The following ADAMTS19 variants were observed in gnomAD, a reference collection of about 807,000 sequenced individuals.
ADAMTS19 encodes the protein ADAM metallopeptidase with thrombospondin type 1 motif 19.
ADAMTS19 carries 93 observed loss-of-function variants against 153.3 expected under a neutral mutation model. The ratio of observed to expected loss-of-function variants is 0.61; its 90% CI spans 0.51 to 0.72. ADAMTS19 has a LOEUF of 0.72. ADAMTS19 is among the 30% of genes least tolerant of loss of function. The pLI is 0.00. For missense variants in ADAMTS19, 1,482 were observed against 1,552.1 expected (o/e 0.95, Z 0.76); for synonymous variants, 600 against 556.6 (o/e 1.08, Z -1.10).
intron 7 of ADAMTS19, among the ~76,000 whole-genome samples, chr5:129,573,867 A>T (rs1754000047): frequency 6.6e-6 from 1 of 152,096 alleles, no homozygotes; most frequent in Admixed American, 6.6e-5. Context: ...ATATATGAAT[A>T]TTAAAATATG....
intron 7 of ADAMTS19, among the ~76,000 whole-genome samples, chr5:129,590,044 C>A (rs1750025558): frequency 6.6e-6 from 1 of 152,200 alleles, no homozygotes; most frequent in Admixed American, 6.5e-5. Context: ...TACTTCCCTG[C>A]ACTGACAGAT....
At chr5:129,499,584 T>C (rs1751034666) in intron 2 of ADAMTS19, among the ~76,000 whole-genome samples, 1 of 152,134 alleles carries the variant, frequency 6.6e-6, no homozygotes, top group South Asian at 2.1e-4. Context: ...GCCATATATT[T>C]TTCATTTGTA....
chr5:129,620,963 C>T (rs1470711137), intron 9 of ADAMTS19, among the ~76,000 whole-genome samples: 2 of 151,930 alleles, frequency 1.3e-5, no homozygotes, highest in Non-Finnish European at 2.9e-5. Flanking sequence ...CTACATTTTT[C>T]AAAAAGGACA....
chr5:129,587,369 T>C (rs1443936701), intron 7 of ADAMTS19, among the ~76,000 whole-genome samples: 2 of 152,102 alleles, frequency 1.3e-5, no homozygotes, highest in Admixed American at 1.3e-4. Flanking sequence ...CTAACTGCTA[T>C]ATTTGGTCAC....
chr5:129,736,480 A>G (rs1392420558), intron 22 of ADAMTS19, among the ~76,000 whole-genome samples: 2 of 152,096 alleles, frequency 1.3e-5, no homozygotes, highest in Non-Finnish European at 2.9e-5. Context: ...CAAATATTCT[A>G]TACCAACTTC....
chr5:129,471,578 G>A (rs1264023510), intron 2 of ADAMTS19, among the ~76,000 whole-genome samples: 1 of 151,962 alleles, frequency 6.6e-6, no homozygotes, highest in Non-Finnish European at 1.5e-5. Context: ...TCAAGTTCAG[G>A]GGTACATGTG....
At chr5:129,466,985 A>G (rs1240245211) in intron 2 of ADAMTS19, among the ~76,000 whole-genome samples, 1 of 152,240 alleles carries the variant, frequency 6.6e-6, no homozygotes, top group East Asian at 1.9e-4. Flanking sequence ...TTTCAAAATT[A>G]TAGCAAAATT....
intron 7 of ADAMTS19, among the ~76,000 whole-genome samples, chr5:129,579,084 C>T (rs1268799533): frequency 6.6e-6 from 1 of 152,192 alleles, no homozygotes; most frequent in Non-Finnish European, 1.5e-5. Flanking sequence ...CCTGTTTCTC[C>T]ACATCCTCTC....
intron 3 of ADAMTS19, among the ~76,000 whole-genome samples, chr5:129,525,263 G>A (rs971472847): frequency 7.9e-5 from 12 of 152,008 alleles, no homozygotes; most frequent in South Asian, 4.1e-4. Context: ...ATCTCTCAGC[G>A]TGTATGCATA....
chr5:129,613,629 G>A (rs1751348414), intron 8 of ADAMTS19, among the ~76,000 whole-genome samples: 1 of 152,128 alleles, frequency 6.6e-6, no homozygotes, highest in Admixed American at 6.6e-5. Context: ...AAAAGAATTA[G>A]TGAAGCAAGA....
chr5:129,718,536 T>C (rs1037507054), intron 21 of ADAMTS19, among the ~76,000 whole-genome samples: 4 of 152,144 alleles, frequency 2.6e-5, no homozygotes, highest in African/African-American at 9.7e-5. Flanking sequence ...ACCTAACTTT[T>C]GTTCTTTAGT....
At chr5:129,527,682 G>A in intron 4 of ADAMTS19, 66 bp from the exon 5 acceptor site, 1 of 812,768 alleles carries the variant, frequency 1.2e-6, no homozygotes. Context: ...TCCATGTATG[G>A]GCCTTGAGAA....
At position 129,647,854 on chromosome 5, in the gene ADAMTS19, C is replaced by T. The variant is rs1753136774; in HGVS notation, c.1962C>T (p.Thr654=). The T allele has an allele frequency of 1.2e-6, 2 of 1,614,102 alleles. No individual in the cohort carries two copies. Among genetic ancestry groups the T allele is most frequent in the Non-Finnish European group, 1.7e-6 (2 of 1,179,986 alleles). ...GCCTGTGGAGTCCTTGTAGCCGAAC[C>T]TGCAGTGCTGGGATCAGCAGTCGAG... ...EWSLWSPCSR[T]CSAGISSRER... The change falls in exon 12 of 23, where the codon ACC becomes ACT. Residue 654 remains threonine (T), a synonymous_variant. Coordinates refer to ENST00000274487, the MANE Select transcript of ADAMTS19 (RefSeq NM_133638.6).
rs1324369634 is a variant in ADAMTS19, at chr5:129,734,975, A to T, written c.3356A>T (p.Gln1119Leu). The change falls in exon 22 of 23, where the codon CAA (glutamine) becomes CTA (leucine). Residue 1119 changes from glutamine to leucine, a missense_variant. Physicochemically the swap from Gln to Leu is moderately radical, Grantham distance 113. Transcript: ENST00000274487. Reference sequence around the variant, plus strand: ...AAAGGAATGCAGTCCCGTGTAATCCAATGCATGCATAAGATCACAGGAAGA... The same window carrying T: ...AAAGGAATGCAGTCCCGTGTAATCCTATGCATGCATAAGATCACAGGAAGA... ...CGKGMQSRVI[Q>L]CMHKITGRHG... is the part of the protein sequence containing the mutation. 4 of 1,611,256 alleles carry T rather than the reference A, an allele frequency of 2.5e-6. No homozygotes were observed. Among genetic ancestry groups the T allele is most frequent in the Non-Finnish European group, 3.4e-6 (4 of 1,178,648 alleles).
intron 21 of ADAMTS19, among the ~76,000 whole-genome samples, chr5:129,715,134 A>T (rs1256564979): frequency 1.3e-5 from 2 of 152,210 alleles, no homozygotes; most frequent in Non-Finnish European, 2.9e-5. Flanking sequence ...TGTACAAAGA[A>T]CATTTTATTT....
At chr5:129,607,747 T>A (rs1401356490) in intron 8 of ADAMTS19, among the ~76,000 whole-genome samples, 1 of 152,040 alleles carries the variant, frequency 6.6e-6, no homozygotes, top group Non-Finnish European at 1.5e-5. Flanking sequence ...GTCCAACTAT[T>A]TCATCCAAAT....
intron 2 of ADAMTS19, among the ~76,000 whole-genome samples, chr5:129,496,336 G>T (rs535267583): frequency 1.6e-4 from 24 of 152,106 alleles, no homozygotes; most frequent in South Asian, 4.2e-4. Context: ...TGACTGTTTT[G>T]CACATTGCTA....
intron 18 of ADAMTS19, among the ~76,000 whole-genome samples, chr5:129,693,416 T>A (rs1404361390): frequency 1.3e-5 from 2 of 152,162 alleles, no homozygotes; most frequent in Non-Finnish European, 2.9e-5. Context: ...TAAGCTTCCA[T>A]GTCAGTCATA....
chr5:129,649,087 T>A, intron 13 of ADAMTS19, 117 bp downstream of exon 13: 1 of 1,037,154 alleles, frequency 9.6e-7, no homozygotes, highest in Non-Finnish European at 1.4e-6. Context: ...GAACTTTAAT[T>A]TTTTCTACCT....
Sources: gnomAD v4.1 joint callset for allele counts (sites outside exome capture counted in the v4.1 genomes callset) on GRCh38, gnomAD v4.1.1 for gene constraint, MANE v1.5 for transcripts, NCBI Gene and HGNC (gene_info 2026-07-23, HGNC 2026-07-21) for gene names.